Variants in FATE1 observed in about 807,000 individuals in gnomAD.
The protein encoded by FATE1 is fetal and adult testis expressed 1, also known as fetal and adult testis-expressed transcript protein.
A neutral mutation model predicts 16.0 loss-of-function variants in FATE1; 18 were observed. The observed-to-expected ratio is 1.12, with a 90% CI of 0.78 to 1.66. The LOEUF (loss-of-function observed/expected upper bound fraction) is 1.66. FATE1 is among the 40% of genes most tolerant of loss of function. The pLI is 0.00. For synonymous variants in FATE1, 76 were observed against 56.9 expected (o/e 1.34, Z -1.51); for missense variants, 169 against 152.7 (o/e 1.11, Z -0.56).
Position 151,716,231 on chromosome X carries a change from G to A in FATE1, c.106+6G>A. ...AGAGCACCTGGTGATAGCAGGTGAG[G>A]ATCCCCTAAAATACCCCTAGGCTAC... On this transcript the variant is annotated splice_donor_region_variant and intron_variant, in intron 1 of 4. Coordinates refer to ENST00000370350, the MANE Select transcript of FATE1 (RefSeq NM_033085.3). 1 of 1,158,993 alleles carries A rather than the reference G, an allele frequency of 8.6e-7. No homozygotes were observed.
intron 2 of FATE1, among the ~76,000 whole-genome samples, chrX:151,721,037 T>C (rs1028940612): frequency 2.7e-5 from 3 of 112,843 alleles, no homozygotes; most frequent in African/African-American, 9.7e-5. Flanking sequence ...CAGGCCTCCA[T>C]GGCCTGGGCT....
chrX:151,718,399 C>G (rs1046638828), intron 2 of FATE1, among the ~76,000 whole-genome samples: 6 of 112,167 alleles, frequency 5.3e-5, no homozygotes, highest in African/African-American at 1.9e-4. Context: ...AAAACACAGT[C>G]ATTTTGGAGG....
rs960279953 is a variant in FATE1, at chrX:151,722,967, A to G, written c.*208A>G. On this transcript the variant is annotated 3_prime_UTR_variant, in exon 5 of 5. Transcript: ENST00000370350. ...CTGGCTGCTGCGAAGCTGGAGGAGG[A>G]CTGCGTGGGCTGAGATGCCACCCTT... 12 of 439,325 alleles carry G rather than the reference A, an allele frequency of 2.7e-5. No homozygotes were observed. Among genetic ancestry groups the G allele is most frequent in the Non-Finnish European group, 3.7e-5 (10 of 267,543 alleles). 36.2% of individuals were successfully genotyped at this position (439,325 alleles called of 1,213,427 possible). A position where few individuals can be genotyped will look rare whatever the true frequency, so the allele number is the denominator to read the frequency against.
chrX:151,722,041 G>A (rs1261507961), intron 4 of FATE1, 60 bp downstream of exon 4: 6 of 1,041,269 alleles, frequency 5.8e-6, no homozygotes, highest in Non-Finnish European at 8.0e-6. Flanking sequence ...AATAGGCAGG[G>A]CTCGACAGCT....
intron 4 of FATE1, 22 bp downstream of exon 4, chrX:151,722,003 G>A: frequency 1.7e-6 from 2 of 1,188,460 alleles, no homozygotes. Flanking sequence ...CCCAATCGGT[G>A]GGTGCAAGCA....
rs2015133399 is a variant in FATE1, at chrX:151,723,070, C to T, written c.*311C>T. ...AACCTTGCCTTCCTGACCTCAGCGG[C>T]CCTTCTGTTCCATCCTCTGTGGGCA... On this transcript the variant is annotated 3_prime_UTR_variant, in exon 5 of 5. Coordinates refer to ENST00000370350, the MANE Select transcript of FATE1 (RefSeq NM_033085.3). 8.0e-6 allele frequency: 2 copies of T among 250,217 alleles called. No homozygotes were observed. Among genetic ancestry groups the T allele is most frequent in the Admixed American group, 1.3e-4 (2 of 15,930 alleles). 20.6% of individuals were successfully genotyped at this position (250,217 alleles called of 1,213,427 possible). A position where few individuals can be genotyped will look rare whatever the true frequency, so the allele number is the denominator to read the frequency against.
At chrX:151,722,249 G>T (rs1416205071) in intron 4 of FATE1, among the ~76,000 whole-genome samples, 1 of 111,752 alleles carries the variant, frequency 8.9e-6, no homozygotes, top group Admixed American at 9.4e-5. Flanking sequence ...CAAGGATAAG[G>T]GTTCTATGTC....
chrX:151,722,337 G>T (rs2015124088), intron 4 of FATE1, among the ~76,000 whole-genome samples: 1 of 112,467 alleles, frequency 8.9e-6, no homozygotes, highest in African/African-American at 3.2e-5. Context: ...CTTAGGAGGA[G>T]ATCCTTTCTT....
At chrX:151,717,132 G>T in intron 1 of FATE1, 140 bp from the exon 2 acceptor site, 1 of 718,240 alleles carries the variant, frequency 1.4e-6, no homozygotes, top group Non-Finnish European at 2.0e-6. Context: ...CCTGGGATCA[G>T]CTGATGGACA....
At chrX:151,721,160 C>A (rs769108379) in intron 2 of FATE1, among the ~76,000 whole-genome samples, 4 of 112,568 alleles carry the variant, frequency 3.6e-5, no homozygotes, top group Middle Eastern at 4.2e-3. Flanking sequence ...CCTCTTTTGC[C>A]ACAGCCTGCC....
chrX:151,722,190 T>C (rs73241808), intron 4 of FATE1, among the ~76,000 whole-genome samples: 6,400 of 110,856 alleles, frequency 0.058, 211 homozygotes, highest in Non-Finnish European at 0.093. Context: ...GTCCCTGAGA[T>C]GCTGGTAGGG....
Position 151,717,280 on chromosome X carries a change from G to A in FATE1, c.115G>A (p.Glu39Lys). ...QEHLVIAEMM[E>K]LGSRSRGASQ... The stretch of plus-strand genomic sequence containing the variant: ...TCTGTTCTTCTCTCTAGAAATGATG[G>A]AGCTTGGATCTCGGTCCCGGGGTGC... The change falls in exon 2 of 5, where the codon GAG becomes AAG. Residue 39 changes from glutamate (E) to lysine (K), a missense_variant. Transcript: ENST00000370350. The A allele has an allele frequency of 8.3e-7, 1 of 1,205,845 alleles. No homozygotes were observed. The highest frequency in any genetic ancestry group is 1.1e-6 in the Non-Finnish European group (1 of 891,673).
chrX:151,722,566 CTG>C (rs1232932982), intron 4 of FATE1, 60 bp from the exon 5 acceptor site: 3 of 1,202,489 alleles, frequency 2.5e-6, no homozygotes, highest in Non-Finnish European at 3.4e-6. Flanking sequence ...TTTCCCATGG[CTG>C]TGCTGTGGGC....
At chrX:151,722,104 C>T in intron 4 of FATE1, 123 bp downstream of exon 4, 1 of 594,383 alleles carries the variant, frequency 1.7e-6, no homozygotes, top group Non-Finnish European at 2.7e-6. Context: ...GGAGGTGGGG[C>T]AGATTCCCTT....
chrX:151,716,677 A>G (rs2015063847), intron 1 of FATE1, among the ~76,000 whole-genome samples: 1 of 111,908 alleles, frequency 8.9e-6, no homozygotes, highest in Admixed American at 9.5e-5. Context: ...TCTATAGCAC[A>G]CAAAGGGATC....
chrX:151,717,500 C>G, intron 2 of FATE1, 101 bp downstream of exon 2: 1 of 956,685 alleles, frequency 1.0e-6, no homozygotes, highest in South Asian at 2.7e-5. Flanking sequence ...TAGACGTTGA[C>G]TTGTGAGGAG....
At chrX:151,721,304 C>A in intron 2 of FATE1, 91 bp from the exon 3 acceptor site, 1 of 780,657 alleles carries the variant, frequency 1.3e-6, no homozygotes, top group Non-Finnish European at 1.9e-6. Flanking sequence ...CATGTGATTC[C>A]CCATGGGGTG....
Position 151,722,915 on chromosome X carries a change from G to A in FATE1, c.*156G>A. ...ACTCTGGTTAGGCCTCCTACCTGGG[G>A]AGGCCAGGTCACTGCACTGGGAGGT... On this transcript the variant is annotated 3_prime_UTR_variant, in exon 5 of 5. Coordinates refer to ENST00000370350, the MANE Select transcript of FATE1 (RefSeq NM_033085.3). The A allele has an allele frequency of 1.4e-6, 1 of 716,349 alleles. No individual in the cohort carries two copies. The highest frequency in any genetic ancestry group is 2.0e-6 in the Non-Finnish European group (1 of 503,998). The allele number at this position is 716,349 out of a possible 1,213,427, so 59.0% of individuals were successfully genotyped here.
chrX:151,722,928 T>C lies in FATE1; in HGVS notation c.*169T>C, dbSNP rs2015131774. 1 of 610,379 alleles carries C rather than the reference T, an allele frequency of 1.6e-6. No individual in the cohort carries two copies. The highest frequency in any genetic ancestry group is 2.3e-5 in the African/African-American group (1 of 44,075). 50.3% of individuals were successfully genotyped at this position (610,379 alleles called of 1,213,427 possible). On this transcript the variant is annotated 3_prime_UTR_variant, in exon 5 of 5. Coordinates refer to ENST00000370350, the MANE Select transcript of FATE1 (RefSeq NM_033085.3). Reference sequence around the variant, plus strand: ...CTCCTACCTGGGGAGGCCAGGTCACTGCACTGGGAGGTCCTGGCTGCTGCG... The same window carrying C: ...CTCCTACCTGGGGAGGCCAGGTCACCGCACTGGGAGGTCCTGGCTGCTGCG...
Sources: allele counts gnomAD v4.1 joint callset (sites outside exome capture counted in the v4.1 genomes callset), GRCh38; gene constraint gnomAD v4.1.1; transcripts MANE v1.5; gene names NCBI Gene and HGNC (gene_info 2026-07-23, HGNC 2026-07-21).